The following FBXL17 variants were observed in gnomAD, a reference collection of about 807,000 sequenced individuals.
The protein encoded by FBXL17 is F-box/LRR-repeat protein 17.
A neutral mutation model predicts 66.2 loss-of-function variants in FBXL17; 22 were observed. The observed-to-expected ratio is 0.33, with a 90% CI of 0.24 to 0.47. The LOEUF is 0.47. Ranked by LOEUF, FBXL17 falls within the 20% of genes least tolerant of loss-of-function variation. The pLI is 1.00. For missense variants in FBXL17, 878 were observed against 948.2 expected, an observed-to-expected ratio of 0.93 and a Z score of 0.97; for synonymous variants, 474 against 400.5, an observed-to-expected ratio of 1.18 and a Z score of -2.19.
chr5:107,950,739 TCTG>T (rs1394615298), intron 7 of FBXL17, among the ~76,000 whole-genome samples: 1 of 152,320 alleles, frequency 6.6e-6, no homozygotes, highest in African/African-American at 2.4e-5. Context: ...CAACCTCAAA[TCTG>T]CTATTAACCT....
intron 6 of FBXL17, among the ~76,000 whole-genome samples, chr5:108,159,883 G>A (rs1752140849): frequency 6.6e-6 from 1 of 152,056 alleles, no homozygotes; most frequent in Non-Finnish European, 1.5e-5. Flanking sequence ...AGCAGAAATA[G>A]TAATGATAAA....
chr5:108,068,787 G>T (rs1748218278), intron 6 of FBXL17, among the ~76,000 whole-genome samples: 1 of 152,106 alleles, frequency 6.6e-6, no homozygotes, highest in Admixed American at 6.5e-5. Context: ...GACTTTTTCT[G>T]ACAAGTGTTA....
At chr5:107,872,409 A>T (rs560748375) in intron 8 of FBXL17, among the ~76,000 whole-genome samples, 32 of 152,326 alleles carry the variant, frequency 2.1e-4, no homozygotes, top group African/African-American at 7.5e-4. Context: ...TTAAATTATT[A>T]AGAGGCAGTG....
chr5:108,252,975 G>A (rs995515181), intron 4 of FBXL17, among the ~76,000 whole-genome samples: 2 of 152,136 alleles, frequency 1.3e-5, no homozygotes, highest in African/African-American at 4.8e-5. Flanking sequence ...TAGAATCTGT[G>A]GATCCTCTAA....
At chr5:108,363,840 ATCAAAGTAAATAAAATCATGC>A (rs1748493251) in intron 3 of FBXL17, among the ~76,000 whole-genome samples, 1 of 151,990 alleles carries the variant, frequency 6.6e-6, no homozygotes, top group African/African-American at 2.4e-5. Flanking sequence ...AGAAATTTCC[ATCAAAGTAAATAAAATCATGC>A]TATATACACA....
Position 108,251,277 on chromosome 5 carries a change from G to A in FBXL17, c.1507-27049C>T, listed in dbSNP as rs1478595674. 2.6e-5 allele frequency among the ~76,000 whole-genome samples: 4 copies of A among 151,964 alleles called. 1 individual carries two copies. Among genetic ancestry groups the A allele is most frequent in the Admixed American group, 2.6e-4 (4 of 15,246 alleles). On this transcript the variant is annotated intron_variant, in intron 4 of 8. Transcript: ENST00000542267. ...TCAAACTTATTTTTGCCAACCTGCA[G>A]GGTAAAAAATACCTCAATGAGGTTT...
intron 4 of FBXL17, among the ~76,000 whole-genome samples, chr5:108,335,222 C>T (rs1265098949): frequency 2.1e-5 from 3 of 145,842 alleles, no homozygotes; most frequent in African/African-American, 7.9e-5. Context: ...CACTCTCCCA[C>T]TCCCCCACCC....
Position 107,965,553 on chromosome 5 carries a change from C to T in FBXL17, c.1822+55372G>A, listed in dbSNP as rs927832174. Among the ~76,000 whole-genome samples, 9 of 152,178 alleles carry T rather than the reference C, an allele frequency of 5.9e-5. No homozygotes were observed. The East Asian group carries it at 1.3e-3, about 23-fold the overall frequency. Reference sequence around the variant, plus strand: ...TGTAAAATAGAAAATCCCAGACCTTCTCCAAGGTATAGATAAGATCCTTTG... The same window carrying T: ...TGTAAAATAGAAAATCCCAGACCTTTTCCAAGGTATAGATAAGATCCTTTG... On this transcript the variant is annotated intron_variant, in intron 7 of 8. Transcript: ENST00000542267.
intron 6 of FBXL17, among the ~76,000 whole-genome samples, chr5:108,092,527 G>A (rs1749225061): frequency 6.6e-6 from 1 of 152,108 alleles, no homozygotes; most frequent in African/African-American, 2.4e-5. Flanking sequence ...TGTTGTCCAG[G>A]CTGATCTTAA....
intron 7 of FBXL17, among the ~76,000 whole-genome samples, chr5:108,007,175 G>T (rs1331739376): frequency 6.6e-6 from 1 of 152,202 alleles, no homozygotes; most frequent in Non-Finnish European, 1.5e-5. Context: ...ACTACTGGCA[G>T]AAAGCAAGCT....
chr5:108,297,544 T>C (rs1209607512), intron 4 of FBXL17, among the ~76,000 whole-genome samples: 2 of 151,676 alleles, frequency 1.3e-5, no homozygotes, highest in East Asian at 1.9e-4. Context: ...AAAAATCCAA[T>C]GCATAAACAT....
intron 6 of FBXL17, among the ~76,000 whole-genome samples, chr5:108,055,346 T>C (rs955646120): frequency 1.7e-4 from 23 of 139,336 alleles, no homozygotes; most frequent in African/African-American, 5.3e-5. Flanking sequence ...CGGTGGCTCA[T>C]GCCTGTAATC....
rs537696910 is a variant in FBXL17 at position 107,958,674 on chromosome 5, T to C, written c.1822+62251A>G. ...AAGTGAACATGTATATAGGTGCTCCTGGCATGCCCCTAAAACAACAGTTTC... is the reference window on the plus strand; with the variant it reads ...AAGTGAACATGTATATAGGTGCTCCCGGCATGCCCCTAAAACAACAGTTTC... On this transcript the variant is annotated intron_variant, in intron 7 of 8. Transcript: ENST00000542267. Among the ~76,000 whole-genome samples, 9 of 152,284 alleles carry C rather than the reference T, an allele frequency of 5.9e-5. No individual in the cohort carries two copies. The South Asian group carries it at 1.9e-3, about 32-fold the overall frequency.
chr5:107,976,194 T>C (rs887967075), intron 7 of FBXL17, among the ~76,000 whole-genome samples: 5 of 152,172 alleles, frequency 3.3e-5, no homozygotes, highest in African/African-American at 1.2e-4. Flanking sequence ...ATAAGAAGTA[T>C]AAAGAACATT....
chr5:108,219,588 G>A (rs1283973616), intron 5 of FBXL17, among the ~76,000 whole-genome samples: 3 of 152,130 alleles, frequency 2.0e-5, no homozygotes, highest in African/African-American at 4.8e-5. Flanking sequence ...TTGGGAGGCT[G>A]AGGCAGGAGA....
intron 6 of FBXL17, among the ~76,000 whole-genome samples, chr5:108,067,623 A>G (rs1023861336): frequency 6.6e-6 from 1 of 152,156 alleles, no homozygotes; most frequent in Non-Finnish European, 1.5e-5. Flanking sequence ...TATTTTAACT[A>G]TAATTAAGAC....
At chr5:107,890,680 AAT>A (rs1491571972) in intron 7 of FBXL17, among the ~76,000 whole-genome samples, 2 of 148,694 alleles carry the variant, frequency 1.3e-5, no homozygotes, top group Non-Finnish European at 3.0e-5. Context: ...AAAAAAAAAA[AAT>A]TGTCTAACCT....
intron 6 of FBXL17, among the ~76,000 whole-genome samples, chr5:108,117,471 T>C (rs1750305223): frequency 6.6e-6 from 1 of 152,194 alleles, no homozygotes; most frequent in Non-Finnish European, 1.5e-5. Context: ...AAATAAGATT[T>C]ATAAATTGAG....
chr5:108,168,417 C>A lies in FBXL17; in HGVS notation c.1745+17700G>T, dbSNP rs368214848. ...TCCAAAGAATGACTGCAGCTCATTA[C>A]TGATGAACGGAATATATTTTTTGTA... On this transcript the variant is annotated intron_variant, in intron 6 of 8. Transcript: ENST00000542267. Among the ~76,000 whole-genome samples the A allele has an allele frequency of 6.6e-5, 10 of 152,288 alleles. No homozygotes were observed. In the East Asian group the frequency reaches 1.7e-3, roughly 26 times the overall value.
Sources: allele counts gnomAD v4.1 joint callset (sites outside exome capture counted in the v4.1 genomes callset), GRCh38; gene constraint gnomAD v4.1.1; transcripts MANE v1.5; gene names NCBI Gene and HGNC (gene_info 2026-07-23, HGNC 2026-07-21).